Variants in SH3GL2 observed in about 807,000 individuals in gnomAD.
SH3GL2 encodes the protein endophilin-A1.
In SH3GL2, 24 loss-of-function variants were observed where a neutral mutation model predicts 46.0. The observed-to-expected ratio is 0.52, with a 90% CI of 0.38 to 0.73. The LOEUF is 0.73. Ranked by LOEUF, SH3GL2 falls within the 30% of genes least tolerant of loss-of-function variation. SH3GL2 has a pLI of 0.00. For synonymous variants in SH3GL2, 196 were observed against 147.1 expected (o/e 1.33, Z -2.40); for missense variants, 413 against 424.2 (o/e 0.97, Z 0.23).
intron 1 of SH3GL2, among the ~76,000 whole-genome samples, chr9:17,580,167 A>G (rs1818250892): frequency 6.6e-6 from 1 of 152,152 alleles, no homozygotes; most frequent in African/African-American, 2.4e-5. Flanking sequence ...TTTCTTACAT[A>G]ATGTGTGTGA....
At chr9:17,736,347 TG>T (rs1171654653) in intron 1 of SH3GL2, among the ~76,000 whole-genome samples, 1 of 152,146 alleles carries the variant, frequency 6.6e-6, no homozygotes, top group African/African-American at 2.4e-5. Flanking sequence ...GTTATATTTT[TG>T]GTCCTAATTT....
chr9:17,682,391 G>C (rs1474911537), intron 1 of SH3GL2, among the ~76,000 whole-genome samples: 3 of 152,198 alleles, frequency 2.0e-5, no homozygotes. Context: ...GTGAAGGAAT[G>C]AGATCAGATC....
At chr9:17,680,334 A>C (rs1221563472) in intron 1 of SH3GL2, among the ~76,000 whole-genome samples, 1 of 152,112 alleles carries the variant, frequency 6.6e-6, no homozygotes, top group Non-Finnish European at 1.5e-5. Flanking sequence ...TCAGGGATTC[A>C]ACTTCTTCCT....
intron 1 of SH3GL2, among the ~76,000 whole-genome samples, chr9:17,678,102 C>T (rs1334379828): frequency 6.6e-6 from 1 of 152,116 alleles, no homozygotes. Flanking sequence ...TGTATGTGTG[C>T]ATGTGTCTTT....
chr9:17,782,442 T>C (rs1295554323), intron 3 of SH3GL2, among the ~76,000 whole-genome samples: 2 of 152,224 alleles, frequency 1.3e-5, no homozygotes, highest in Non-Finnish European at 2.9e-5. Context: ...TGAATGATGG[T>C]AAACCATATA....
At chr9:17,707,103 G>A (rs1821491061) in intron 1 of SH3GL2, among the ~76,000 whole-genome samples, 1 of 151,960 alleles carries the variant, frequency 6.6e-6, no homozygotes, top group South Asian at 2.1e-4. Flanking sequence ...AGTAATGGGG[G>A]GAACTTGTGC....
intron 1 of SH3GL2, among the ~76,000 whole-genome samples, chr9:17,653,282 T>C (rs1819997406): frequency 6.6e-6 from 1 of 152,182 alleles, no homozygotes; most frequent in Admixed American, 6.5e-5. Flanking sequence ...AAATCAGATG[T>C]CTTATTTTTT....
intron 5 of SH3GL2, 113 bp downstream of exon 5, chr9:17,787,626 C>A: frequency 1.3e-6 from 1 of 788,792 alleles, no homozygotes; most frequent in Non-Finnish European, 2.0e-6. Flanking sequence ...CAGCTCTGGG[C>A]ACGTTAATTA....
chr9:17,776,195 C>T (rs1263939314), intron 3 of SH3GL2, among the ~76,000 whole-genome samples: 1 of 152,046 alleles, frequency 6.6e-6, no homozygotes, highest in African/African-American at 2.4e-5. Flanking sequence ...TGGGCATGTA[C>T]GTTCCACAGA....
intron 3 of SH3GL2, among the ~76,000 whole-genome samples, chr9:17,773,772 C>G (rs1823562777): frequency 6.6e-6 from 1 of 151,946 alleles, no homozygotes; most frequent in South Asian, 2.1e-4. Flanking sequence ...ATTCTTTTTG[C>G]TATTTGGAGT....
At position 17,742,907 on chromosome 9, in the gene SH3GL2, G is replaced by A. The variant is rs147301585; in HGVS notation, c.46-4159G>A. Among the ~76,000 whole-genome samples, 156 of 152,160 alleles carry A rather than the reference G, an allele frequency of 1.0e-3. 1 individual carries two copies. Among genetic ancestry groups the A allele is most frequent in the African/African-American group, 3.2e-3 (133 of 41,534 alleles). ...TTGGTTCACTTGTTCTGTTTGATTCGCATATCTTTTGCTTTTAAATAGGTG... is the reference window on the plus strand; with the variant it reads ...TTGGTTCACTTGTTCTGTTTGATTCACATATCTTTTGCTTTTAAATAGGTG... On this transcript the variant is annotated intron_variant, in intron 1 of 8. Transcript: ENST00000380607.
At chr9:17,707,685 T>C (rs948677497) in intron 1 of SH3GL2, among the ~76,000 whole-genome samples, 26 of 152,046 alleles carry the variant, frequency 1.7e-4, no homozygotes, top group African/African-American at 5.3e-4. Flanking sequence ...ACTATAGATA[T>C]GTTTGGGCAA....
rs1820000520 is a variant in SH3GL2 at position 17,653,413 on chromosome 9, C to G, written c.45+74126C>G. On this transcript the variant is annotated intron_variant, in intron 1 of 8. Transcript: ENST00000380607. The stretch of plus-strand genomic sequence containing the variant: ...AGCCTCCAGATTTTTTATCTTATAT[C>G]TCATTCTTTTTACCTTTAAGATGCC... Among the ~76,000 whole-genome samples, 3 of 152,044 alleles carry G rather than the reference C, an allele frequency of 2.0e-5. No homozygotes were observed. The South Asian group carries it at 6.2e-4, about 31-fold the overall frequency.
In SH3GL2 at chr9:17,616,368, T is replaced by G. The variant is rs140702035; in HGVS notation, c.45+37081T>G. 3.9e-4 allele frequency among the ~76,000 whole-genome samples: 59 copies of G among 152,330 alleles called. 3 individuals carry two copies. The East Asian group carries it at 0.011, about 29-fold the overall frequency. On this transcript the variant is annotated intron_variant, in intron 1 of 8. Transcript: ENST00000380607. ...GAGGGCAAAACATAATATATGGGTATAACTTTAGTGCTAGCTAATTACTTC... is the reference window on the plus strand; with the variant it reads ...GAGGGCAAAACATAATATATGGGTAGAACTTTAGTGCTAGCTAATTACTTC...
intron 1 of SH3GL2, among the ~76,000 whole-genome samples, chr9:17,743,320 A>G (rs1303209498): frequency 6.6e-6 from 1 of 152,146 alleles, no homozygotes; most frequent in Non-Finnish European, 1.5e-5. Context: ...TATTTTTAAT[A>G]TTACTTTTTC....
At chr9:17,724,859 CT>C (rs1327358885) in intron 1 of SH3GL2, among the ~76,000 whole-genome samples, 5 of 152,128 alleles carry the variant, frequency 3.3e-5, no homozygotes, top group African/African-American at 1.2e-4. Flanking sequence ...GGAGTCACCC[CT>C]GGGTCTGCCT....
At chr9:17,625,669 C>T (rs1819265098) in intron 1 of SH3GL2, among the ~76,000 whole-genome samples, 1 of 152,220 alleles carries the variant, frequency 6.6e-6, no homozygotes, top group Non-Finnish European at 1.5e-5. Context: ...ACTTCTGCCT[C>T]TTTGTGCTTT....
At chr9:17,652,101 CT>C (rs1724181451) in intron 1 of SH3GL2, among the ~76,000 whole-genome samples, 1 of 152,022 alleles carries the variant, frequency 6.6e-6, no homozygotes. Flanking sequence ...TTTCACATTT[CT>C]GGCTTTATTC....
chr9:17,793,393 G>A lies in SH3GL2; in HGVS notation c.755G>A (p.Arg252Lys), dbSNP rs1340537811. Residue 252 changes from arginine to lysine, a missense_variant, in exon 8 of 9, where the codon AGA becomes AAA. This residue lies in a region of SH3GL2 where 248 missense variants were observed against 215.0 expected (regional missense o/e 1.15). Transcript: ENST00000380607. ...ATAAGACAGGCTTCATCTCAGCCTA[G>A]AAGGGAATATCAACCTAAACCACGA... The part of the protein sequence containing the change: ...ERIRQASSQP[R>K]REYQPKPRMS... 2 of 1,613,152 alleles carry A rather than the reference G, an allele frequency of 1.2e-6. No homozygotes were observed. Among genetic ancestry groups the A allele is most frequent in the Admixed American group, 1.7e-5 (1 of 59,898 alleles).
Sources: allele counts gnomAD v4.1 joint callset (sites outside exome capture counted in the v4.1 genomes callset), GRCh38; gene constraint gnomAD v4.1.1; regional missense constraint gnomAD v4.1.1; transcripts MANE v1.5; gene names NCBI Gene and HGNC (gene_info 2026-07-23, HGNC 2026-07-21).